Variants in GNAI2 observed in about 807,000 individuals in gnomAD.
GNAI2 encodes G protein subunit alpha i2.
Under a neutral mutation model 36.8 loss-of-function variants are expected in GNAI2, and 4 were observed. The observed-to-expected ratio is 0.11, with a 90% confidence interval of 0.05 to 0.25. GNAI2 has a LOEUF of 0.25. Ranked by LOEUF, GNAI2 falls within the 10% of genes least tolerant of loss-of-function variation. GNAI2 has a pLI of 1.00. For missense variants in GNAI2, 230 were observed against 481.3 expected (o/e 0.48, Z 4.89); for synonymous variants, 194 against 194.1 (o/e 1.00, Z 0.01).
upstream of GNAI2, among the ~76,000 whole-genome samples, chr3:50,228,247 A>T (rs1700012253): frequency 6.6e-6 from 1 of 152,120 alleles, no homozygotes; most frequent in African/African-American, 2.4e-5. Flanking sequence ...AGGAACTTTA[A>T]AAATCAGATC....
upstream of GNAI2, chr3:50,227,565 C>T (rs1384843608): frequency 5.9e-6 from 1 of 169,912 alleles, no homozygotes; most frequent in Non-Finnish European, 1.3e-5. This position sits in a 1 kb window ranked among gnomAD's most constrained non-coding sequence, Gnocchi z 5.9. Context: ...CGCGCTCCGG[C>T]CTAGAGAGGC....
chr3:50,253,406 TC>T lies in GNAI2; in HGVS notation c.464+223del, dbSNP rs1700613317. Among the ~76,000 whole-genome samples, 1 of 152,104 alleles carries T rather than the reference TC, an allele frequency of 6.6e-6. No individual in the cohort carries two copies. Among genetic ancestry groups the T allele is most frequent in the African/African-American group, 2.4e-5 (1 of 41,414 alleles). ...ACAGGCAGGTGGCTTATACAGTACA[TC>T]TCTTCCAGGCCAGTTGAGTCTGATC... On this transcript the variant is annotated intron_variant, in intron 4 of 8. Coordinates refer to ENST00000313601, the MANE Select transcript of GNAI2 (RefSeq NM_002070.4). The surrounding 1 kb of genome is among the most constrained non-coding windows in gnomAD (Gnocchi z 4.2).
upstream of GNAI2, among the ~76,000 whole-genome samples, chr3:50,232,652 G>A (rs1700088770): frequency 6.6e-6 from 1 of 152,206 alleles, no homozygotes; most frequent in African/African-American, 2.4e-5. Flanking sequence ...TCAGGGCATT[G>A]GGGAACCACA....
upstream of GNAI2, chr3:50,228,953 C>T (rs1244108832): frequency 2.6e-5 from 4 of 152,280 alleles, no homozygotes; most frequent in Non-Finnish European, 5.9e-5. Context: ...CCCTATTACT[C>T]CCTTGCTCCT....
upstream of GNAI2, among the ~76,000 whole-genome samples, chr3:50,231,621 C>A (rs1252174017): frequency 6.6e-6 from 1 of 152,124 alleles, no homozygotes; most frequent in Non-Finnish European, 1.5e-5. Context: ...CTGCAAGGGG[C>A]CTGGAATTAG....
rs368969647 is a variant in GNAI2, at chr3:50,236,494, C to T, written c.118+41C>T. 4 of 1,557,770 alleles carry T rather than the reference C, an allele frequency of 2.6e-6. No individual in the cohort carries two copies. In the African/African-American group the frequency reaches 5.7e-5, roughly 22 times the overall value. On this transcript the variant is annotated intron_variant, in intron 1 of 8. Transcript: ENST00000313601. This position sits in a 1 kb window ranked among gnomAD's most constrained non-coding sequence, Gnocchi z 4.0. ...GCACTGGGATCCTTGATTCCCAGCT[C>T]GAATCCCCAGACAAGGACTTTGACC...
chr3:50,256,527 C>A, intron 5 of GNAI2, 196 bp from the exon 6 acceptor site: 2 of 709,482 alleles, frequency 2.8e-6, no homozygotes, highest in Non-Finnish European at 2.4e-6. Context: ...CTGCTCCTGC[C>A]TGATGTGGCT....
chr3:50,228,492 G>A (rs1700016392), upstream of GNAI2, among the ~76,000 whole-genome samples: 1 of 150,350 alleles, frequency 6.7e-6, no homozygotes, highest in Non-Finnish European at 1.5e-5. Flanking sequence ...ACAGGCTGCA[G>A]TGAGCCAAGA....
upstream of GNAI2, chr3:50,230,564 GCCCACTGAGAGGGT>G (rs1700052200): frequency 6.6e-6 from 1 of 152,330 alleles, no homozygotes; most frequent in Non-Finnish European, 1.5e-5. Flanking sequence ...GCATGTCACA[GCCCACTGAGAGGGT>G]CTTCATTCCT....
At position 50,252,341 on chromosome 3, in the gene GNAI2, C is replaced by A; in HGVS notation, c.162-56C>A. ...AGCAGGTCCCAGTAGCCCCAGGCAGCCGTGGGAACTCCCAGTGCCCAGGGG... is the reference window on the plus strand; with the variant it reads ...AGCAGGTCCCAGTAGCCCCAGGCAGACGTGGGAACTCCCAGTGCCCAGGGG... On this transcript the variant is annotated intron_variant, in intron 2 of 8. Coordinates refer to ENST00000313601, the MANE Select transcript of GNAI2 (RefSeq NM_002070.4). This position sits in a 1 kb window ranked among gnomAD's most constrained non-coding sequence, Gnocchi z 4.1. 6.3e-7 allele frequency: 1 copy of A among 1,586,438 alleles called. No individual in the cohort carries two copies. Among genetic ancestry groups the A allele is most frequent in the Non-Finnish European group, 8.6e-7 (1 of 1,156,592 alleles).
upstream of GNAI2, among the ~76,000 whole-genome samples, chr3:50,227,655 G>T (rs1700000203): frequency 6.6e-6 from 1 of 152,262 alleles, no homozygotes. This position sits in a 1 kb window ranked among gnomAD's most constrained non-coding sequence, Gnocchi z 5.9. Context: ...GGGGGAGGAC[G>T]CCTTGGGCGG....
upstream of GNAI2, among the ~76,000 whole-genome samples, chr3:50,232,068 C>A (rs587714072): frequency 5.9e-4 from 89 of 151,342 alleles, no homozygotes; most frequent in Non-Finnish European, 1.1e-3. Flanking sequence ...CGGTGGCTCA[C>A]ACCTGCAATC....
At chr3:50,248,404 G>A (rs1700471182) in intron 1 of GNAI2, among the ~76,000 whole-genome samples, 1 of 152,156 alleles carries the variant, frequency 6.6e-6, no homozygotes, top group Non-Finnish European at 1.5e-5. Context: ...CAGAGATGGG[G>A]AGAGTGAAGC....
intron 1 of GNAI2, among the ~76,000 whole-genome samples, chr3:50,247,972 C>A (rs587766011): frequency 1.3e-5 from 2 of 152,258 alleles, no homozygotes; most frequent in African/African-American, 4.8e-5. Flanking sequence ...CGGTGGCTCA[C>A]GCCTGTAATC....
chr3:50,254,701 G>A (rs782452659), intron 4 of GNAI2, among the ~76,000 whole-genome samples: 6 of 152,172 alleles, frequency 3.9e-5, no homozygotes, highest in Admixed American at 6.5e-5. Flanking sequence ...AAGGAAGCAG[G>A]AATAGAGCCA....
chr3:50,256,144 G>A (rs1290588845), intron 4 of GNAI2, 48 bp from the exon 5 acceptor site: 7 of 1,166,696 alleles, frequency 6.0e-6, no homozygotes, highest in South Asian at 1.2e-5. Flanking sequence ...GTCCAGCTAA[G>A]GAAGCCCCAT....
intron 8 of GNAI2, chr3:50,257,937 C>T: frequency 2.3e-6 from 1 of 426,554 alleles, no homozygotes; most frequent in Non-Finnish European, 4.2e-6. Flanking sequence ...CCCAGTGGTC[C>T]AGACAGAAGG....
chr3:50,229,060 C>T (rs1477514159), upstream of GNAI2: 1 of 152,120 alleles, frequency 6.6e-6, no homozygotes, highest in Non-Finnish European at 1.5e-5. Flanking sequence ...TGTTTTTGCT[C>T]CTTCATTAAA....
At chr3:50,243,160 T>G (rs1437214954) in intron 1 of GNAI2, among the ~76,000 whole-genome samples, 1 of 152,350 alleles carries the variant, frequency 6.6e-6, no homozygotes, top group African/African-American at 2.4e-5. Flanking sequence ...TGCACTCCTG[T>G]GGGCCATTCT....
Sources: gnomAD v4.1 joint callset for allele counts (sites outside exome capture counted in the v4.1 genomes callset) on GRCh38, gnomAD v4.1.1 for gene constraint, Gnocchi (gnomAD v3.1) non-coding constraint, MANE v1.5 for transcripts, NCBI Gene and HGNC (gene_info 2026-07-23, HGNC 2026-07-21) for gene names.